ARMC3: variants seen among roughly 807,000 people sequenced by gnomAD.
ARMC3 encodes the protein armadillo repeat containing 3, also known as armadillo repeat-containing protein 3.
Under a neutral mutation model 90.3 loss-of-function variants are expected in ARMC3, and 74 were observed. That is an observed-to-expected ratio of 0.82 (90% CI 0.68 to 0.99). ARMC3 has a LOEUF of 0.99. Among genes scored for constraint, ARMC3 ranks in the 50% least tolerant of loss-of-function variants. The pLI, the probability that ARMC3 is intolerant of heterozygous loss-of-function variation, is 0.00. For synonymous variants in ARMC3, 334 were observed against 361.8 expected (o/e 0.92, Z 0.87); for missense variants, 958 against 1,042.8 (o/e 0.92, Z 1.12).
At chr10:22,929,310 GAAAAA>G (rs1833840283) in intron 1 of ARMC3, among the ~76,000 whole-genome samples, 1 of 133,320 alleles carries the variant, frequency 7.5e-6, no homozygotes, top group Non-Finnish European at 1.6e-5. Context: ...GAAAGAAAAA[GAAAAA>G]GAAAGGAAAG....
rs559048486 is a variant in ARMC3, at chr10:23,033,705, G to A, written c.2409+682G>A. Reference sequence around the variant, plus strand: ...TAACATCATTTTGAACCACTGTTCAGGCAACAGATGGGGAATGAATTAGAG... The same window carrying A: ...TAACATCATTTTGAACCACTGTTCAAGCAACAGATGGGGAATGAATTAGAG... On this transcript the variant is annotated intron_variant, in intron 18 of 18. Transcript: ENST00000298032. Among the ~76,000 whole-genome samples, 39 of 152,278 alleles carry A rather than the reference G, an allele frequency of 2.6e-4. No individual in the cohort carries two copies. In the Middle Eastern group the frequency reaches 0.02, roughly 80 times the overall value.
At chr10:23,014,036 T>G in intron 16 of ARMC3, 852 of 1,513,268 alleles carry the variant, frequency 5.6e-4, no homozygotes, top group Non-Finnish European at 6.9e-4. Context: ...TATAAACAAA[T>G]GAGAATAATT....
At chr10:23,029,771 G>A (rs1838848046) in intron 16 of ARMC3, among the ~76,000 whole-genome samples, 1 of 152,056 alleles carries the variant, frequency 6.6e-6, no homozygotes, top group Admixed American at 6.6e-5. Context: ...TCTTTATTAA[G>A]TACTAAACTA....
intron 8 of ARMC3, among the ~76,000 whole-genome samples, chr10:22,977,384 A>T (rs770990166): frequency 6.6e-6 from 1 of 152,152 alleles, no homozygotes; most frequent in African/African-American, 2.4e-5. Context: ...TGCATGAACT[A>T]AAGTAACCCG....
rs202016521 is a variant in ARMC3 at position 22,968,499 on chromosome 10, A to G, written c.916+10A>G. The G allele has an allele frequency of 8.4e-6, 13 of 1,547,680 alleles. No individual in the cohort carries two copies. In the East Asian group the frequency reaches 2.0e-4, roughly 24 times the overall value. On this transcript the variant is annotated intron_variant, in intron 8 of 18. Coordinates refer to ENST00000298032, the MANE Select transcript of ARMC3 (RefSeq NM_173081.5). ...AAAGCAGCTTATGATCGTATGTCTC[A>G]TTTTATTTTATTTATTTTGAGATAG... is the stretch of plus-strand genomic sequence containing the variant.
Position 23,030,659 on chromosome 10 carries a change from A to C in ARMC3, c.2109A>C (p.Pro703=), listed in dbSNP as rs957494395. ...AGGAGGAAGAGGTTATGGTGGTACC[A>C]AAATTTGTTGGTGAAGGAAGCTCTG... The part of the protein sequence containing the change: ...VKEEEEVMVV[P]KFVGEGSSDK... Residue 703 remains proline (P), a synonymous_variant, in exon 17 of 19, where the codon CCA becomes CCC. Coordinates refer to ENST00000298032, the MANE Select transcript of ARMC3 (RefSeq NM_173081.5). 1.6e-5 allele frequency: 26 copies of C among 1,613,728 alleles called. No individual in the cohort carries two copies. The highest frequency in any genetic ancestry group is 2.1e-5 in the Non-Finnish European group (25 of 1,179,870).
chr10:22,946,664 A>G (rs1187439763), intron 3 of ARMC3: 1 of 153,880 alleles, frequency 6.5e-6, no homozygotes, highest in Non-Finnish European at 1.4e-5. Context: ...AATGGAAGAG[A>G]AGAGACAAAT....
At chr10:23,035,574 G>GT (rs1359680635) in intron 18 of ARMC3, among the ~76,000 whole-genome samples, 5 of 151,746 alleles carry the variant, frequency 3.3e-5, no homozygotes, top group Non-Finnish European at 7.4e-5. Context: ...TTTTCTTCCA[G>GT]TTTTTTGGCC....
intron 10 of ARMC3, among the ~76,000 whole-genome samples, chr10:22,984,885 T>C (rs1475710417): frequency 1.3e-5 from 2 of 151,996 alleles, no homozygotes; most frequent in Non-Finnish European, 2.9e-5. Context: ...CCTTCTGTTT[T>C]TTTTTTAGAC....
chr10:22,985,374 T>C (rs1166802707), intron 10 of ARMC3, among the ~76,000 whole-genome samples: 1 of 152,172 alleles, frequency 6.6e-6, no homozygotes, highest in Non-Finnish European at 1.5e-5. Flanking sequence ...TCCTTTGACC[T>C]TCGATGCATT....
chr10:22,989,005 C>A (rs1384833219), intron 10 of ARMC3, among the ~76,000 whole-genome samples: 1 of 152,134 alleles, frequency 6.6e-6, no homozygotes, highest in Non-Finnish European at 1.5e-5. Flanking sequence ...TAGGGTTTTT[C>A]ATTTTCGGAG....
chr10:23,009,167 A>G (rs1451631466), intron 16 of ARMC3, among the ~76,000 whole-genome samples: 1 of 152,242 alleles, frequency 6.6e-6, no homozygotes, highest in Non-Finnish European at 1.5e-5. Flanking sequence ...TGTAGGAACA[A>G]CAGGGTCCTA....
intron 3 of ARMC3, 31 bp from the exon 4 acceptor site, chr10:22,955,776 A>G: frequency 5.6e-6 from 9 of 1,611,768 alleles, no homozygotes; most frequent in Non-Finnish European, 7.6e-6. Context: ...GATAATATCC[A>G]TGTGTGGTTT....
intron 16 of ARMC3, among the ~76,000 whole-genome samples, chr10:23,010,989 T>TCTCCTCTCTCCTTCCCTTCC (rs1388458525): frequency 2.3e-4 from 18 of 79,914 alleles, no homozygotes; most frequent in East Asian, 1.0e-3. Flanking sequence ...CCTTCCCTTT[T>TCTCCTCTCTCCTTCCCTTCC]CTCCTCTCTC....
In ARMC3 at chr10:22,996,924, G is replaced by GTT. The variant is rs375932608; in HGVS notation, c.1176-1214_1176-1213dup. Among the ~76,000 whole-genome samples, 397 of 147,128 alleles carry GTT rather than the reference G, an allele frequency of 2.7e-3. 1 individual carries two copies. The highest frequency in any genetic ancestry group is 4.5e-3 in the Non-Finnish European group (299 of 66,508). ...TGGGCTGAATCATATAGCTTCAGTT[G>GTT]TTTTTTTTTTTAATTTTGGTTATTA... On this transcript the variant is annotated intron_variant, in intron 10 of 18. Coordinates refer to ENST00000298032, the MANE Select transcript of ARMC3 (RefSeq NM_173081.5).
At chr10:22,975,524 C>T (rs1272437220) in intron 8 of ARMC3, among the ~76,000 whole-genome samples, 1 of 152,190 alleles carries the variant, frequency 6.6e-6, no homozygotes, top group African/African-American at 2.4e-5. Flanking sequence ...AAGATCGCAC[C>T]ATCGCACTCC....
Position 22,992,702 on chromosome 10 carries a change from C to T in ARMC3, c.1176-5446C>T, listed in dbSNP as rs537066704. ...GGGCTGTGGCGGGATGATCCTTGTT[C>T]TGGACTCAGAAATTGACCAATTTAG... On this transcript the variant is annotated intron_variant, in intron 10 of 18. Transcript: ENST00000298032. 2.0e-4 allele frequency among the ~76,000 whole-genome samples: 31 copies of T among 152,246 alleles called. No homozygotes were observed. In the East Asian group the frequency reaches 5.2e-3, roughly 26 times the overall value.
intron 8 of ARMC3, among the ~76,000 whole-genome samples, chr10:22,980,990 A>C (rs1331955066): frequency 6.6e-6 from 1 of 152,220 alleles, no homozygotes; most frequent in Admixed American, 6.5e-5. Context: ...GATAAACTGG[A>C]TTTTGTCCTT....
chr10:23,018,684 T>A (rs1838386478), intron 16 of ARMC3, among the ~76,000 whole-genome samples: 2 of 151,896 alleles, frequency 1.3e-5, no homozygotes, highest in African/African-American at 4.8e-5. Flanking sequence ...ACCTGGCTAA[T>A]TTTTTGTATT....
Sources: allele counts gnomAD v4.1 joint callset (sites outside exome capture counted in the v4.1 genomes callset), GRCh38; gene constraint gnomAD v4.1.1; transcripts MANE v1.5; gene names NCBI Gene and HGNC (gene_info 2026-07-23, HGNC 2026-07-21).